PPP2R5E: variants seen among roughly 807,000 people sequenced by gnomAD.
PPP2R5E encodes protein phosphatase 2 regulatory subunit B'epsilon, also known as serine/threonine-protein phosphatase 2A 56 kDa regulatory subunit epsilon isoform.
PPP2R5E carries 4 observed loss-of-function variants against 65.3 expected under a neutral mutation model. The ratio of observed to expected loss-of-function variants is 0.06; its 90% CI spans 0.03 to 0.14. The LOEUF is 0.14. Among genes scored for constraint, PPP2R5E ranks in the 10% least tolerant of loss-of-function variants. The pLI is 1.00. For synonymous variants in PPP2R5E, 183 were observed against 187.4 expected (o/e 0.98, Z 0.19); for missense variants, 274 against 556.1 (o/e 0.49, Z 5.10).
intron 5 of PPP2R5E, among the ~76,000 whole-genome samples, chr14:63,412,225 G>C (rs1190762247): frequency 6.6e-6 from 1 of 152,222 alleles, no homozygotes; most frequent in Non-Finnish European, 1.5e-5. Context: ...GGAAGACTGA[G>C]ATGGATCACT....
At chr14:63,433,697 T>A (rs1380180193) in intron 3 of PPP2R5E, among the ~76,000 whole-genome samples, 1 of 152,160 alleles carries the variant, frequency 6.6e-6, no homozygotes, top group Non-Finnish European at 1.5e-5. Flanking sequence ...AGTGTTCTGC[T>A]GGGATTTGAG....
At chr14:63,533,892 A>G (rs1893550133) in intron 2 of PPP2R5E, among the ~76,000 whole-genome samples, 1 of 152,174 alleles carries the variant, frequency 6.6e-6, no homozygotes, top group Non-Finnish European at 1.5e-5. Flanking sequence ...GGTTGCAGTG[A>G]GCCGAGATTG....
chr14:63,495,417 C>CAAAAAAAAAAAAAAA (rs772700927), intron 2 of PPP2R5E, among the ~76,000 whole-genome samples: 6 of 93,236 alleles, frequency 6.4e-5, no homozygotes, highest in East Asian at 3.0e-4. Context: ...ACTAAAAATA[C>CAAAAAAAAAAAAAAA]AAAAAAAAAA....
chr14:63,451,018 T>C (rs1347813911), intron 3 of PPP2R5E, among the ~76,000 whole-genome samples: 1 of 152,140 alleles, frequency 6.6e-6, no homozygotes, highest in East Asian at 1.9e-4. Context: ...CTGGTGAGGA[T>C]GTGGAGCAGC....
chr14:63,409,544 A>ACG (rs1886280880), intron 5 of PPP2R5E, among the ~76,000 whole-genome samples: 1 of 152,228 alleles, frequency 6.6e-6, no homozygotes, highest in African/African-American at 2.4e-5. Context: ...CATAGGTGAT[A>ACG]CCAGTAGACA....
At chr14:63,461,710 G>T (rs928022582) in intron 2 of PPP2R5E, among the ~76,000 whole-genome samples, 29 of 152,040 alleles carry the variant, frequency 1.9e-4, no homozygotes, top group Non-Finnish European at 3.5e-4. Flanking sequence ...AGGCTGAGGT[G>T]GGAGGATCAC....
intron 3 of PPP2R5E, among the ~76,000 whole-genome samples, chr14:63,442,886 C>T (rs1314902626): frequency 1.3e-5 from 2 of 152,000 alleles, no homozygotes; most frequent in Non-Finnish European, 2.9e-5. Context: ...CATATTTCCC[C>T]CCGGCAGTTA....
intron 2 of PPP2R5E, among the ~76,000 whole-genome samples, chr14:63,458,041 A>G (rs1487047061): frequency 6.6e-6 from 1 of 152,178 alleles, no homozygotes; most frequent in African/African-American, 2.4e-5. Context: ...TAAGCAGGGG[A>G]AAATGACTAC....
chr14:63,473,639 T>A (rs1331972086), intron 2 of PPP2R5E, among the ~76,000 whole-genome samples: 2 of 152,226 alleles, frequency 1.3e-5, no homozygotes, highest in Admixed American at 1.3e-4. Flanking sequence ...GTCTGAGAAA[T>A]GTCTGATGCA....
chr14:63,432,830 T>G (rs1200480809), intron 3 of PPP2R5E, among the ~76,000 whole-genome samples: 2 of 152,116 alleles, frequency 1.3e-5, no homozygotes, highest in African/African-American at 4.8e-5. Context: ...TAAACGTTCA[T>G]CAAACAGTAA....
At chr14:63,474,909 G>GCC (rs1476409705) in intron 2 of PPP2R5E, among the ~76,000 whole-genome samples, 1 of 152,146 alleles carries the variant, frequency 6.6e-6, no homozygotes, top group East Asian at 1.9e-4. Flanking sequence ...AGGAGGAAGA[G>GCC]CCAGCTAAGA....
At chr14:63,519,044 G>A (rs564144920) in intron 2 of PPP2R5E, among the ~76,000 whole-genome samples, 3 of 152,000 alleles carry the variant, frequency 2.0e-5, no homozygotes, top group Non-Finnish European at 2.9e-5. Context: ...GAGAAACCCC[G>A]TCTCTACTAA....
chr14:63,517,054 T>C (rs1892696733), intron 2 of PPP2R5E, among the ~76,000 whole-genome samples: 1 of 152,142 alleles, frequency 6.6e-6, no homozygotes, highest in South Asian at 2.1e-4. Context: ...ACCCAAGTCT[T>C]ATGACTCAAA....
intron 3 of PPP2R5E, among the ~76,000 whole-genome samples, chr14:63,441,692 A>G (rs1307624824): frequency 6.6e-6 from 1 of 152,144 alleles, no homozygotes; most frequent in Non-Finnish European, 1.5e-5. Flanking sequence ...CGGGCAGATC[A>G]TGAGGTCAGG....
At chr14:63,389,474 C>T (rs1341480744) in intron 11 of PPP2R5E, 138 bp downstream of exon 11, 1 of 1,011,728 alleles carries the variant, frequency 9.9e-7, no homozygotes, top group Non-Finnish European at 1.4e-6. Flanking sequence ...ATAAGCTGGC[C>T]ACTATTAAAA....
chr14:63,521,981 CCT>C lies in PPP2R5E; in HGVS notation c.157+17546_157+17547del, dbSNP rs1306240541. Among the ~76,000 whole-genome samples the C allele has an allele frequency of 3.5e-5, 5 of 141,082 alleles. 1 individual carries two copies. The highest frequency in any genetic ancestry group is 1.3e-4 in the African/African-American group (5 of 37,284). 92.6% of individuals were successfully genotyped at this position (141,082 alleles called of 152,430 possible). A position where few individuals can be genotyped will look rare whatever the true frequency, so the allele number is the denominator to read the frequency against. Reference sequence around the variant, plus strand: ...CCCCTCCCCCTCTCCCCACGGTCTCCCTCTGATACCGAGCCGAAGCTGGACTG... The same window carrying C: ...CCCCTCCCCCTCTCCCCACGGTCTCCCTGATACCGAGCCGAAGCTGGACTG... On this transcript the variant is annotated intron_variant, in intron 2 of 13. Transcript: ENST00000337537.
chr14:63,508,127 G>A (rs765096001), intron 2 of PPP2R5E: 89 of 981,250 alleles, frequency 9.1e-5, no homozygotes, highest in Non-Finnish European at 1.0e-4. Context: ...CTACACACAC[G>A]AGTGTTCTCT....
intron 5 of PPP2R5E, among the ~76,000 whole-genome samples, chr14:63,405,822 C>G (rs1886044494): frequency 6.6e-6 from 1 of 152,120 alleles, no homozygotes; most frequent in Non-Finnish European, 1.5e-5. Context: ...TTCCATAAAG[C>G]CTAGGCAAGT....
Position 63,539,570 on chromosome 14 carries a change from T to C in PPP2R5E, c.116A>G (p.Gln39Arg), listed in dbSNP as rs1260833884. 6.2e-7 allele frequency: 1 copy of C among 1,609,742 alleles called. No individual in the cohort carries two copies. The highest frequency in any genetic ancestry group is 1.3e-5 in the African/African-American group (1 of 74,954). Residue 39 changes from glutamine (Q) to arginine (R), a missense_variant, in exon 2 of 14, where the codon CAA (glutamine) becomes CGA (arginine). Gln to Arg is a conservative substitution (Grantham distance 43, BLOSUM62 1). Coordinates refer to ENST00000337537, the MANE Select transcript of PPP2R5E (RefSeq NM_006246.5). Reference sequence around the variant, plus strand: ...AGGTGTTAACTCAATAGGCTTGCCTTGAGACCTAAACTGTGAGGAACTTTG... The same window carrying C: ...AGGTGTTAACTCAATAGGCTTGCCTCGAGACCTAAACTGTGAGGAACTTTG... The part of the protein sequence containing the change: ...RSQSSSQFRS[Q>R]GKPIELTPLP...
Sources: gnomAD v4.1 joint callset for allele counts (sites outside exome capture counted in the v4.1 genomes callset) on GRCh38, gnomAD v4.1.1 for gene constraint, MANE v1.5 for transcripts, NCBI Gene and HGNC (gene_info 2026-07-23, HGNC 2026-07-21) for gene names.